STK25: variants seen among roughly 807,000 people sequenced by gnomAD.
STK25 encodes serine/threonine-protein kinase 25.
A neutral mutation model predicts 53.8 loss-of-function variants in STK25; 29 were observed. The observed-to-expected ratio is 0.54, with a 90% confidence interval of 0.40 to 0.74. The LOEUF is 0.74. STK25 is among the 30% of genes least tolerant of loss of function. The pLI is 0.00. For missense variants in STK25, 420 were observed against 568.0 expected, an observed-to-expected ratio of 0.74 and a Z score of 2.65; for synonymous variants, 247 against 238.3, an observed-to-expected ratio of 1.04 and a Z score of -0.33.
Position 241,496,540 on chromosome 2 carries a change from A to G in STK25, c.1105-6T>C. ...TGCTTGTGCTTCTCTTTGAGCTGTG[A>G]AAAGACCACCACGCCTGACCCTGGA... On this transcript the variant is annotated splice_region_variant and splice_polypyrimidine_tract_variant and intron_variant, in intron 10 of 11. Coordinates refer to ENST00000316586, the MANE Select transcript of STK25 (RefSeq NM_001271977.2). This position sits in a 1 kb window ranked among gnomAD's most constrained non-coding sequence, Gnocchi z 5.8. 1.2e-6 allele frequency: 2 copies of G among 1,612,506 alleles called. No homozygotes were observed. Among genetic ancestry groups the G allele is most frequent in the Non-Finnish European group, 1.7e-6 (2 of 1,179,188 alleles).
At chr2:241,497,815 G>C in intron 9 of STK25, 128 bp from the exon 10 acceptor site, 1 of 906,554 alleles carries the variant, frequency 1.1e-6, no homozygotes, top group Non-Finnish European at 1.7e-6. Flanking sequence ...CACATGTCCA[G>C]GGCCGGCCCC....
upstream of STK25, among the ~76,000 whole-genome samples, chr2:241,508,891 G>T (rs910263658): frequency 6.6e-6 from 1 of 152,188 alleles, no homozygotes; most frequent in Non-Finnish European, 1.5e-5. Flanking sequence ...GCGTTTGCTG[G>T]CGCCTGCCAG....
chr2:241,492,945 A>G lies in STK25; in HGVS notation c.*2717T>C. 6.2e-7 allele frequency: 1 copy of G among 1,608,464 alleles called. No individual in the cohort carries two copies. Among genetic ancestry groups the G allele is most frequent in the Non-Finnish European group, 8.5e-7 (1 of 1,174,866 alleles). On this transcript the variant is annotated 3_prime_UTR_variant, in exon 12 of 12. Coordinates refer to ENST00000316586, the MANE Select transcript of STK25 (RefSeq NM_001271977.2). ...TATTGACAGAACCAGCTTTCAGGAT[A>G]TCTGCTAAGAAAGTTCAAAAACAGT...
chr2:241,506,841 G>A (rs908261924), intron 2 of STK25, among the ~76,000 whole-genome samples: 2 of 152,216 alleles, frequency 1.3e-5, no homozygotes, highest in African/African-American at 4.8e-5. Context: ...TAAGTTACCA[G>A]ATACAGAATG....
chr2:241,495,749 G>A (rs192301567), intron 11 of STK25, 48 bp from the exon 12 acceptor site: 4 of 1,608,744 alleles, frequency 2.5e-6, no homozygotes, highest in East Asian at 2.2e-5. Context: ...TCTGTGCCCA[G>A]GCTCCTGACG....
rs34490086 is a variant in STK25, at chr2:241,499,374, C to G, written c.468G>C (p.Leu156=). The change falls in exon 6 of 12, where the codon CTG becomes CTC. Residue 156 remains leucine (L), a synonymous_variant. Coordinates refer to ENST00000316586, the MANE Select transcript of STK25 (RefSeq NM_001271977.2). The stretch of plus-strand genomic sequence containing the variant: ...GCTGCCCTGCTACCCCAAAGTCCGC[C>G]AGCTTCACGTCACCCTGCTCCGAGA... ...VLLSEQGDVK[L]ADFGVAGQLT... 6.2e-7 allele frequency: 1 copy of G among 1,613,816 alleles called. No homozygotes were observed.
Position 241,497,669 on chromosome 2 carries a change from T to C in STK25, c.1051A>G (p.Arg351Gly). The C allele has an allele frequency of 6.2e-7, 1 of 1,613,386 alleles. No individual in the cohort carries two copies. Among genetic ancestry groups the C allele is most frequent in the Non-Finnish European group, 8.5e-7 (1 of 1,179,966 alleles). The change falls in exon 10 of 12, where the codon AGG (arginine) becomes GGG (glycine). Residue 351 changes from arginine (R) to glycine (G), a missense_variant. By Grantham distance (125) the Arg-to-Gly change is moderately radical. Coordinates refer to ENST00000316586, the MANE Select transcript of STK25 (RefSeq NM_001271977.2). Reference sequence around the variant, plus strand: ...GACAGGCACTGGGACCTCGGCTGCCTCTTGACGGGCTCCGCAGGCTGCAAA... The same window carrying C: ...GACAGGCACTGGGACCTCGGCTGCCCCTTGACGGGCTCCGCAGGCTGCAAA... ...SSQKPAEPVK[R>G]QPRSQCLSTL...
Position 241,498,932 on chromosome 2 carries a change from C to T in STK25, c.771+57G>A, listed in dbSNP as rs777251348. On this transcript the variant is annotated intron_variant, in intron 7 of 11. Transcript: ENST00000316586. Reference sequence around the variant, plus strand: ...TCCGGGCTGTGCCGCCCACCCCAAGCGAACGCCCTCCCTCCACGTCCTGTC... The same window carrying T: ...TCCGGGCTGTGCCGCCCACCCCAAGTGAACGCCCTCCCTCCACGTCCTGTC... The T allele has an allele frequency of 4.3e-6, 7 of 1,611,562 alleles. No individual in the cohort carries two copies. The South Asian group carries it at 4.4e-5, about 10-fold the overall frequency.
upstream of STK25, chr2:241,508,779 A>C: frequency 2.1e-5 from 21 of 981,816 alleles, no homozygotes; most frequent in Non-Finnish European, 2.5e-5. Context: ...CTGCTCCCGA[A>C]AGGTTTGGAC....
intron 10 of STK25, 61 bp downstream of exon 10, chr2:241,497,555 C>A (rs921598588): frequency 4.5e-6 from 7 of 1,541,036 alleles, no homozygotes; most frequent in African/African-American, 2.7e-5. Flanking sequence ...CATCTCCGTG[C>A]AACAGTGTCA....
Position 241,494,078 on chromosome 2 carries a change from C to T in STK25, c.*1584G>A. ...CCCAAGCATCGTGCAGGATGGCCCCCAACCCTCCTCAGGGCTGGAGGGGAT... is the reference window on the plus strand; with the variant it reads ...CCCAAGCATCGTGCAGGATGGCCCCTAACCCTCCTCAGGGCTGGAGGGGAT... On this transcript the variant is annotated 3_prime_UTR_variant, in exon 12 of 12. Coordinates refer to ENST00000316586, the MANE Select transcript of STK25 (RefSeq NM_001271977.2). This position sits in a 1 kb window ranked among gnomAD's most constrained non-coding sequence, Gnocchi z 4.9. 1 of 1,449,850 alleles carries T rather than the reference C, an allele frequency of 6.9e-7. No homozygotes were observed. The highest frequency in any genetic ancestry group is 9.0e-7 in the Non-Finnish European group (1 of 1,105,458). The allele number at this position is 1,449,850 out of a possible 1,614,324, so 89.8% of individuals were successfully genotyped here.
Position 241,493,886 on chromosome 2 carries a change from C to T in STK25, c.*1776G>A, listed in dbSNP as rs1359495200. 6 of 603,180 alleles carry T rather than the reference C, an allele frequency of 9.9e-6. No individual in the cohort carries two copies. Among genetic ancestry groups the T allele is most frequent in the Non-Finnish European group, 1.7e-5 (6 of 359,282 alleles). The allele number at this position is 603,180 out of a possible 1,614,324, so 37.4% of individuals were successfully genotyped here. A position where few individuals can be genotyped will look rare whatever the true frequency, so the allele number is the denominator to read the frequency against. ...TGCTGGGATTATAGGCATGAGCCAC[C>T]GCACCCGGCCCCAGGTTTTTAACCC... On this transcript the variant is annotated 3_prime_UTR_variant, in exon 12 of 12. Coordinates refer to ENST00000316586, the MANE Select transcript of STK25 (RefSeq NM_001271977.2).
rs991114704 is a variant in STK25, at chr2:241,496,830, CATGGAAGCCACTCA to C, written c.1105-310_1105-297del. Among the ~76,000 whole-genome samples the C allele has an allele frequency of 1.3e-5, 2 of 152,136 alleles. No homozygotes were observed. The highest frequency in any genetic ancestry group is 4.8e-5 in the African/African-American group (2 of 41,426). On this transcript the variant is annotated intron_variant, in intron 10 of 11. Transcript: ENST00000316586. The surrounding 1 kb of genome is among the most constrained non-coding windows in gnomAD (Gnocchi z 5.8). ...AGATGGCTTCCTCCCAGCCGAGGGT[CATGGAAGCCACTCA>C]ATGGGTCTAATCAGACCCAAAAACA...
chr2:241,500,897 C>T (rs1398761129), intron 3 of STK25, 101 bp from the exon 4 acceptor site: 6 of 1,163,266 alleles, frequency 5.2e-6, no homozygotes, highest in South Asian at 1.4e-5. Context: ...CAGGCCCCAC[C>T]GGTCCCATCC....
chr2:241,508,210 G>A lies in STK25; in HGVS notation c.-100-75C>T, dbSNP rs553041250. 272 of 1,348,144 alleles carry A rather than the reference G, an allele frequency of 2.0e-4. 2 individuals are homozygous for A. The South Asian group carries it at 4.7e-3, about 23-fold the overall frequency. 83.5% of individuals were successfully genotyped at this position (1,348,144 alleles called of 1,614,324 possible). On this transcript the variant is annotated intron_variant, in intron 1 of 11. Transcript: ENST00000316586. ...CGACCTCCGGGGCGGCGGGCTCCAT[G>A]GGTGGGGGGGGGCCCAGGAGACCCC...
At position 241,498,699 on chromosome 2, in the gene STK25, CG is replaced by C; in HGVS notation, c.856del (p.Arg286AlafsTer119). 1 of 1,614,110 alleles carries C rather than the reference CG, an allele frequency of 6.2e-7. No individual in the cohort carries two copies. Among genetic ancestry groups the C allele is most frequent in the Non-Finnish European group, 8.5e-7 (1 of 1,180,012 alleles). ...KTSFLTELID[R>X]YKRWKSEGHG... is the part of the protein sequence containing the mutation. ...CCCCTCTGACTTCCAGCGCTTATAG[CG>C]GTCGATGAGCTCCGTGAGGAAGGAG... On this transcript the variant is annotated frameshift_variant, in exon 8 of 12. Transcript: ENST00000316586. LOFTEE classifies it high-confidence loss of function.
rs894326720 is a variant in STK25 at position 241,493,722 on chromosome 2, G to A, written c.*1940C>T. The A allele has an allele frequency of 2.9e-5, 15 of 519,002 alleles. No individual in the cohort carries two copies. The highest frequency in any genetic ancestry group is 1.9e-4 in the African/African-American group (10 of 52,318). 32.1% of individuals were successfully genotyped at this position (519,002 alleles called of 1,614,324 possible). ...CGATTCTTCTGCCTCAGCCTCCTGA[G>A]TAACTGAGATTACAGGCATGCACGC... On this transcript the variant is annotated 3_prime_UTR_variant, in exon 12 of 12. Transcript: ENST00000316586.
rs1367663279 is a variant in STK25, at chr2:241,500,777, A to G, written c.281T>C (p.Ile94Thr). The G allele has an allele frequency of 1.9e-6, 3 of 1,613,920 alleles. No homozygotes were observed. The highest frequency in any genetic ancestry group is 1.7e-6 in the Non-Finnish European group (2 of 1,179,922). Reference sequence around the variant, plus strand: ...TGAGCCGCCGCCCAGGTACTCCATGATGATCCATAGCTTGGTGCTCTGGGA... The same window carrying G: ...TGAGCCGCCGCCCAGGTACTCCATGGTGATCCATAGCTTGGTGCTCTGGGA... ...SYLKSTKLWI[I>T]MEYLGGGSAL... Residue 94 changes from isoleucine to threonine, a missense_variant, in exon 4 of 12, where the codon ATC (isoleucine) becomes ACC (threonine). Ile to Thr is a moderately conservative substitution (Grantham distance 89). Coordinates refer to ENST00000316586, the MANE Select transcript of STK25 (RefSeq NM_001271977.2).
In STK25 at chr2:241,501,294, T is replaced by C; in HGVS notation, c.261+184A>G. On this transcript the variant is annotated intron_variant, in intron 3 of 11. Transcript: ENST00000316586. This position sits in a 1 kb window ranked among gnomAD's most constrained non-coding sequence, Gnocchi z 5.3. The stretch of plus-strand genomic sequence containing the variant: ...GCAGGCAAGTGGGTCCCAATGGCCA[T>C]TTAGAGCCAACTGACCCTCGTGGAC... 1.5e-5 allele frequency: 10 copies of C among 656,496 alleles called. No individual in the cohort carries two copies. The South Asian group carries it at 1.8e-4, about 12-fold the overall frequency. 40.7% of individuals were successfully genotyped at this position (656,496 alleles called of 1,614,324 possible).
Sources: gnomAD v4.1 joint callset for allele counts (sites outside exome capture counted in the v4.1 genomes callset) on GRCh38, gnomAD v4.1.1 for gene constraint, Gnocchi (gnomAD v3.1) non-coding constraint, MANE v1.5 for transcripts, NCBI Gene and HGNC (gene_info 2026-07-23, HGNC 2026-07-21) for gene names.